The following CPXM1 variants were observed in gnomAD, a reference collection of about 807,000 sequenced individuals.
The protein encoded by CPXM1 is carboxypeptidase X, M14 family member 1, also known as probable carboxypeptidase X1.
A neutral mutation model predicts 80.4 loss-of-function variants in CPXM1; 72 were observed. The observed-to-expected ratio is 0.90, with a 90% CI of 0.74 to 1.09. The LOEUF is 1.09. CPXM1 is among the 50% of genes least tolerant of loss of function. The pLI is 0.00. For missense variants in CPXM1, 892 were observed against 999.4 expected, an observed-to-expected ratio of 0.89 and a Z score of 1.45; for synonymous variants, 403 against 405.6, an observed-to-expected ratio of 0.99 and a Z score of 0.08.
intron 5 of CPXM1, 65 bp downstream of exon 5, chr20:2,797,903 A>G (rs2088526586): frequency 1.4e-6 from 2 of 1,441,692 alleles, no homozygotes; most frequent in Admixed American, 1.7e-5. Context: ...GAGGAGCCTC[A>G]GCCTAGCCTG....
Position 2,797,293 on chromosome 20 carries a change from G to A in CPXM1, c.731C>T (p.Pro244Leu), listed in dbSNP as rs575957091. 203 of 1,563,872 alleles carry A rather than the reference G, an allele frequency of 1.3e-4. 1 individual carries two copies. The South Asian group carries it at 1.8e-3, about 14-fold the overall frequency. Residue 244 changes from proline (P) to leucine (L), a missense_variant, in exon 6 of 14, where the codon CCG becomes CTG. By Grantham distance (98) the Pro-to-Leu change is moderately conservative. Transcript: ENST00000380605. ...AATGAAGCGGGCCACCTGGGGCTCC[G>A]GCAGGAGGTTCAGCACTGGAGTTTC... is the stretch of plus-strand genomic sequence containing the variant. ...DPETPVLNLL[P>L]EPQVARFIRL... is the part of the protein sequence containing the mutation.
In CPXM1 at chr20:2,794,257, G is replaced by A; in HGVS notation, c.2138C>T (p.Ala713Val). ...TPKQRLRELL[A>V]AGAKVPPDLR... ...GTCCGGGGGCACCTTGGCCCCAGCT[G>A]CCAGCAGCTCGCGCAGCCTCTGTTT... is the stretch of plus-strand genomic sequence containing the variant. The change falls in exon 14 of 14, where the codon GCA (alanine) becomes GTA (valine). Residue 713 changes from alanine (A) to valine (V), a missense_variant. Physicochemically the swap from Ala to Val is moderately conservative, Grantham distance 64. Transcript: ENST00000380605. The surrounding 1 kb of genome is among the most constrained non-coding windows in gnomAD (Gnocchi z 5.2). 6.2e-7 allele frequency: 1 copy of A among 1,614,060 alleles called. No homozygotes were observed. Among genetic ancestry groups the A allele is most frequent in the Non-Finnish European group, 8.5e-7 (1 of 1,180,028 alleles).
chr20:2,798,037 G>A lies in CPXM1; in HGVS notation c.612C>T (p.Tyr204=). The stretch of plus-strand genomic sequence containing the variant: ...GACTGTCATTGCTGAACTGGACCTT[G>A]TATGATGTGACCCAGTCATACCTGG... The part of the protein sequence containing the change: ...SVWRYDWVTS[Y]KVQFSNDSRT... The change falls in exon 5 of 14, where the codon TAC becomes TAT. Residue 204 remains tyrosine, a synonymous_variant. Coordinates refer to ENST00000380605, the MANE Select transcript of CPXM1 (RefSeq NM_019609.5). 1 of 1,614,198 alleles carries A rather than the reference G, an allele frequency of 6.2e-7. No individual in the cohort carries two copies. Among genetic ancestry groups the A allele is most frequent in the African/African-American group, 1.3e-5 (1 of 75,064 alleles).
At chr20:2,797,619 T>C (rs548122277) in intron 5 of CPXM1, among the ~76,000 whole-genome samples, 8 of 152,188 alleles carry the variant, frequency 5.3e-5, no homozygotes, top group African/African-American at 1.4e-4. Flanking sequence ...GACTCCACAT[T>C]GTAGCCTGCT....
rs973433144 is a variant in CPXM1 at position 2,796,958 on chromosome 20, C to T, written c.921+48G>A. The T allele has an allele frequency of 1.3e-6, 2 of 1,560,316 alleles. No individual in the cohort carries two copies. Among genetic ancestry groups the T allele is most frequent in the African/African-American group, 2.7e-5 (2 of 73,738 alleles). On this transcript the variant is annotated intron_variant, in intron 7 of 13. Coordinates refer to ENST00000380605, the MANE Select transcript of CPXM1 (RefSeq NM_019609.5). The surrounding 1 kb of genome is among the most constrained non-coding windows in gnomAD (Gnocchi z 6.8). ...CCCGGTGGGAAGGTGGGAAGGGGACCTGAGATGGGTGGGCCCTCCTTCCCA... is the reference window on the plus strand; with the variant it reads ...CCCGGTGGGAAGGTGGGAAGGGGACTTGAGATGGGTGGGCCCTCCTTCCCA...
At chr20:2,799,584 C>G (rs975437361) in intron 1 of CPXM1, among the ~76,000 whole-genome samples, 2 of 152,154 alleles carry the variant, frequency 1.3e-5, no homozygotes, top group Non-Finnish European at 2.9e-5. Context: ...TGCCTTTGCC[C>G]GCCGCTTCCT....
At position 2,798,014 on chromosome 20, in the gene CPXM1, C is replaced by T. The variant is rs759435735; in HGVS notation, c.635G>A (p.Ser212Asn). Residue 212 changes from serine (S) to asparagine (N), a missense_variant, in exon 5 of 14, where the codon AGT becomes AAT. This residue lies in a region of CPXM1 where 874 missense variants were observed against 958.4 expected (regional missense o/e 0.91). Coordinates refer to ENST00000380605, the MANE Select transcript of CPXM1 (RefSeq NM_019609.5). ...GTTCCTACTTCCCCACCAGGTCCGA[C>T]TGTCATTGCTGAACTGGACCTTGTA... Reference protein sequence around the residue: ...TSYKVQFSNDSRTWWGSRNHS... With the variant: ...TSYKVQFSNDNRTWWGSRNHS... 2 of 1,614,204 alleles carry T rather than the reference C, an allele frequency of 1.2e-6. No homozygotes were observed. Among genetic ancestry groups the T allele is most frequent in the South Asian group, 2.2e-5 (2 of 91,088 alleles).
rs935416226 is a variant in CPXM1, at chr20:2,798,948, T to G, written c.173-55A>C. 4 of 1,558,046 alleles carry G rather than the reference T, an allele frequency of 2.6e-6. No individual in the cohort carries two copies. The African/African-American group carries it at 5.4e-5, about 21-fold the overall frequency. ...AAAGGAAGAATGGTGAAACCCCGGA[T>G]GGAAAGGTCTGCCAGCCCAAGAAGA... On this transcript the variant is annotated intron_variant, in intron 1 of 13. Transcript: ENST00000380605.
intron 6 of CPXM1, 41 bp from the exon 7 acceptor site, chr20:2,797,135 T>C (rs1331166017): frequency 6.2e-7 from 1 of 1,612,856 alleles, no homozygotes; most frequent in East Asian, 2.2e-5. Flanking sequence ...GTGTCCACAG[T>C]GAAGGATGCA....
In CPXM1 at chr20:2,796,717, C is replaced by T; in HGVS notation, c.922-67G>A. 2 of 1,588,308 alleles carry T rather than the reference C, an allele frequency of 1.3e-6. No individual in the cohort carries two copies. The highest frequency in any genetic ancestry group is 2.2e-5 in the East Asian group (1 of 44,584). ...TACACCCAGGGGCAGATCACATGTG[C>T]CATGGAAAGACTTAAAAAGTCAGCG... On this transcript the variant is annotated intron_variant, in intron 7 of 13. Coordinates refer to ENST00000380605, the MANE Select transcript of CPXM1 (RefSeq NM_019609.5). This position sits in a 1 kb window ranked among gnomAD's most constrained non-coding sequence, Gnocchi z 6.8.
Position 2,795,691 on chromosome 20 carries a change from A to C in CPXM1, c.1628T>G (p.Met543Arg), listed in dbSNP as rs753359247. The C allele has an allele frequency of 1.2e-6, 2 of 1,613,990 alleles. No individual in the cohort carries two copies. The highest frequency in any genetic ancestry group is 2.2e-5 in the South Asian group (2 of 91,080). ...GCAGGGTCGGCGGCTGGTGTCCTGC[A>C]TGGCCAGATTACTGCCAGCATAGAC... ...STVYAGSNLAMQDTSRRPCHS... is the reference protein window; with the variant it reads ...STVYAGSNLARQDTSRRPCHS... The change falls in exon 11 of 14, where the codon ATG becomes AGG. Residue 543 changes from methionine to arginine, a missense_variant. Physicochemically the swap from Met to Arg is moderately conservative, Grantham distance 91. Transcript: ENST00000380605. This position sits in a 1 kb window ranked among gnomAD's most constrained non-coding sequence, Gnocchi z 5.4.
Position 2,796,746 on chromosome 20 carries a change from G to A in CPXM1, c.922-96C>T. 4.0e-6 allele frequency: 6 copies of A among 1,513,302 alleles called. No homozygotes were observed. The highest frequency in any genetic ancestry group is 5.4e-6 in the Non-Finnish European group (6 of 1,116,000). 93.7% of individuals were successfully genotyped at this position (1,513,302 alleles called of 1,614,324 possible). ...GGAAAGACTTAAAAAGTCAGCGATG[G>A]CCCACACAGAGGGGGCATCCCATCA... On this transcript the variant is annotated intron_variant, in intron 7 of 13. Coordinates refer to ENST00000380605, the MANE Select transcript of CPXM1 (RefSeq NM_019609.5). This position sits in a 1 kb window ranked among gnomAD's most constrained non-coding sequence, Gnocchi z 6.8.
rs2088527316 is a variant in CPXM1, at chr20:2,797,985, T to C, written c.664A>G (p.Ser222Gly). 1.9e-6 allele frequency: 3 copies of C among 1,614,066 alleles called. No homozygotes were observed. The East Asian group carries it at 6.7e-5, about 36-fold the overall frequency. ...SRTWWGSRNH[S>G]SGMDAVFPAN... ...CCACTCACTGCGTCCATCCCACTGC[T>C]GTGGTTCCTACTTCCCCACCAGGTC... The change falls in exon 5 of 14, where the codon AGC (serine) becomes GGC (glycine). Residue 222 changes from serine to glycine, a missense_variant. Ser to Gly is a moderately conservative substitution (Grantham distance 56). Around this residue, in one of 2 missense-constraint regions of CPXM1, gnomAD observed 874 missense variants for 958.4 expected, o/e 0.91. Coordinates refer to ENST00000380605, the MANE Select transcript of CPXM1 (RefSeq NM_019609.5).
Position 2,795,590 on chromosome 20 carries a change from G to A in CPXM1, c.1720+9C>T, listed in dbSNP as rs6115674. 6.2e-7 allele frequency: 1 copy of A among 1,611,144 alleles called. No individual in the cohort carries two copies. The highest frequency in any genetic ancestry group is 8.5e-7 in the Non-Finnish European group (1 of 1,177,668). On this transcript the variant is annotated intron_variant, in intron 11 of 13. Transcript: ENST00000380605. This position sits in a 1 kb window ranked among gnomAD's most constrained non-coding sequence, Gnocchi z 5.4. ...GGGGCCAGGGCTAACTCCACCCTCA[G>A]GCACATACTCCCGGGGACCGTGTGC...
intron 5 of CPXM1, among the ~76,000 whole-genome samples, chr20:2,797,657 G>C (rs1314459256): frequency 6.6e-6 from 1 of 152,228 alleles, no homozygotes; most frequent in Non-Finnish European, 1.5e-5. Flanking sequence ...AGATGCGGAA[G>C]TCAGAACCAC....
rs1430463194 is a variant in CPXM1, at chr20:2,796,819, T to TG, written c.922-170dup. Reference sequence around the variant, plus strand: ...CAGAGCCGGGAGGAAGGGGTAGGACTGGGGGGGCGCCATAATAAGGGAAAG... The same window carrying TG: ...CAGAGCCGGGAGGAAGGGGTAGGACTGGGGGGGGCGCCATAATAAGGGAAAG... On this transcript the variant is annotated intron_variant, in intron 7 of 13. Transcript: ENST00000380605. This position sits in a 1 kb window ranked among gnomAD's most constrained non-coding sequence, Gnocchi z 6.8. Among the ~76,000 whole-genome samples the TG allele has an allele frequency of 8.6e-5, 13 of 150,386 alleles. No homozygotes were observed. Among genetic ancestry groups the TG allele is most frequent in the East Asian group, 5.9e-4 (3 of 5,084 alleles).
rs370183038 is a variant in CPXM1, at chr20:2,794,111, A to G, written c.*79T>C. On this transcript the variant is annotated 3_prime_UTR_variant, in exon 14 of 14. Transcript: ENST00000380605. This position sits in a 1 kb window ranked among gnomAD's most constrained non-coding sequence, Gnocchi z 5.2. ...TAGCTTTAATGAGCACCTTTTCCTC[A>G]CTTTGTCCCTCCCTCTCTACTCTTC... The G allele has an allele frequency of 8.6e-6, 13 of 1,512,104 alleles. No homozygotes were observed. The highest frequency in any genetic ancestry group is 2.5e-4 in the Middle Eastern group (1 of 4,000). 93.7% of individuals were successfully genotyped at this position (1,512,104 alleles called of 1,614,324 possible).
rs887206794 is a variant in CPXM1, at chr20:2,794,971, C to A, written c.1860+306G>T. Among the ~76,000 whole-genome samples the A allele has an allele frequency of 6.6e-6, 1 of 152,158 alleles. No homozygotes were observed. Among genetic ancestry groups the A allele is most frequent in the Non-Finnish European group, 1.5e-5 (1 of 68,028 alleles). On this transcript the variant is annotated intron_variant, in intron 12 of 13. Coordinates refer to ENST00000380605, the MANE Select transcript of CPXM1 (RefSeq NM_019609.5). This position sits in a 1 kb window ranked among gnomAD's most constrained non-coding sequence, Gnocchi z 5.2. ...TCCATGGAACATGAAGCTTCTATGCCAGGACAGCTCCTGCACCTGCCTCAC... is the reference window on the plus strand; with the variant it reads ...TCCATGGAACATGAAGCTTCTATGCAAGGACAGCTCCTGCACCTGCCTCAC...
intron 5 of CPXM1, 62 bp from the exon 6 acceptor site, chr20:2,797,404 G>A: frequency 4.2e-6 from 6 of 1,432,562 alleles, no homozygotes; most frequent in Non-Finnish European, 5.5e-6. Context: ...CCAGGACCCA[G>A]GGAAGGAGCT....
Sources: allele counts gnomAD v4.1 joint callset (sites outside exome capture counted in the v4.1 genomes callset), GRCh38; gene constraint gnomAD v4.1.1; regional missense constraint gnomAD v4.1.1; non-coding constraint Gnocchi (gnomAD v3.1); transcripts MANE v1.5; gene names NCBI Gene and HGNC (gene_info 2026-07-23, HGNC 2026-07-21).